Variants in DSCAM observed in about 807,000 individuals in gnomAD.
DSCAM encodes DS cell adhesion molecule.
DSCAM carries 47 observed loss-of-function variants against 217.7 expected under a neutral mutation model. The ratio of observed to expected loss-of-function variants is 0.22; its 90% CI spans 0.17 to 0.28. The LOEUF is 0.28. Ranked by LOEUF, DSCAM falls within the 10% of genes least tolerant of loss-of-function variation. DSCAM has a pLI of 1.00. For missense variants in DSCAM, 2,080 were observed against 2,618.3 expected (o/e 0.79, Z 4.49); for synonymous variants, 1,056 against 1,015.3 (o/e 1.04, Z -0.76).
intron 1 of DSCAM, among the ~76,000 whole-genome samples, chr21:40,820,982 CAT>C (rs1048966825): frequency 2.7e-5 from 4 of 150,578 alleles, no homozygotes; most frequent in Middle Eastern, 3.4e-3. Context: ...GATATCCAGA[CAT>C]ATATATATAT....
intron 1 of DSCAM, among the ~76,000 whole-genome samples, chr21:40,744,898 G>A (rs2091159193): frequency 1.3e-5 from 2 of 152,190 alleles, no homozygotes; most frequent in African/African-American, 4.8e-5. Context: ...ACAAGAAAAT[G>A]TGGATGGAAA....
chr21:40,385,594 T>G (rs1363058077), intron 3 of DSCAM, among the ~76,000 whole-genome samples: 1 of 152,220 alleles, frequency 6.6e-6, no homozygotes, highest in Non-Finnish European at 1.5e-5. Flanking sequence ...TTTGTGTTTT[T>G]GGTTTTGTGG....
At chr21:40,344,355 G>A (rs1452581477) in intron 6 of DSCAM, among the ~76,000 whole-genome samples, 2 of 152,016 alleles carry the variant, frequency 1.3e-5, no homozygotes, top group South Asian at 2.1e-4. Flanking sequence ...TCTGTTCCAT[G>A]TTATCTATAT....
At chr21:40,551,975 G>A (rs562233456) in intron 3 of DSCAM, among the ~76,000 whole-genome samples, 65 of 152,128 alleles carry the variant, frequency 4.3e-4, no homozygotes, top group Non-Finnish European at 8.2e-4. Context: ...TTGGTTTACA[G>A]TAAGGAGGCA....
chr21:40,716,629 C>T (rs1300099778), intron 1 of DSCAM, among the ~76,000 whole-genome samples: 1 of 152,086 alleles, frequency 6.6e-6, no homozygotes, highest in African/African-American at 2.4e-5. Flanking sequence ...GAGTGTTACA[C>T]CAAAAAGAAA....
chr21:40,322,514 G>T (rs1047080960), intron 8 of DSCAM, among the ~76,000 whole-genome samples: 1 of 124,364 alleles, frequency 8.0e-6, no homozygotes, highest in Non-Finnish European at 1.8e-5. Context: ...TATAGAAAGC[G>T]GGAGCAATTT....
At chr21:40,582,560 T>C (rs936562868) in intron 3 of DSCAM, among the ~76,000 whole-genome samples, 2 of 152,126 alleles carry the variant, frequency 1.3e-5, no homozygotes, top group African/African-American at 4.8e-5. Flanking sequence ...GGTTTTAAAG[T>C]TCAACATTAA....
intron 16 of DSCAM, among the ~76,000 whole-genome samples, chr21:40,145,281 T>C (rs889913012): frequency 2.6e-5 from 4 of 152,084 alleles, no homozygotes; most frequent in South Asian, 2.1e-4. Context: ...AAGACCCCCG[T>C]CCTCATGGAG....
At chr21:40,054,409 G>A (rs902776463) in intron 29 of DSCAM, among the ~76,000 whole-genome samples, 4 of 152,208 alleles carry the variant, frequency 2.6e-5, no homozygotes, top group African/African-American at 9.6e-5. Context: ...TAGAATTTAG[G>A]AGCCATTAGG....
At chr21:40,568,292 G>A (rs1350933747) in intron 3 of DSCAM, among the ~76,000 whole-genome samples, 1 of 152,156 alleles carries the variant, frequency 6.6e-6, no homozygotes, top group African/African-American at 2.4e-5. Flanking sequence ...AGCACAGTGT[G>A]TTAGTATGGT....
intron 8 of DSCAM, among the ~76,000 whole-genome samples, chr21:40,337,051 T>C (rs1057370334): frequency 6.6e-6 from 1 of 152,196 alleles, no homozygotes; most frequent in Non-Finnish European, 1.5e-5. Flanking sequence ...CTATAATATA[T>C]AATGTAATGC....
chr21:40,746,914 G>A (rs1344812930), intron 1 of DSCAM, among the ~76,000 whole-genome samples: 1 of 151,812 alleles, frequency 6.6e-6, no homozygotes, highest in Non-Finnish European at 1.5e-5. Context: ...CAGAAGAAAT[G>A]TTCAAAACTG....
intron 3 of DSCAM, among the ~76,000 whole-genome samples, chr21:40,587,841 C>T (rs2076957552): frequency 6.6e-6 from 1 of 152,110 alleles, no homozygotes; most frequent in African/African-American, 2.4e-5. Flanking sequence ...GAAATTTCAG[C>T]TGTCTCAGTG....
chr21:40,152,533 G>A (rs2090434349), intron 16 of DSCAM, among the ~76,000 whole-genome samples: 1 of 151,958 alleles, frequency 6.6e-6, no homozygotes, highest in Admixed American at 6.6e-5. Context: ...TTCTCCTGTA[G>A]TCCTCCTCAA....
intron 3 of DSCAM, among the ~76,000 whole-genome samples, chr21:40,420,464 C>T (rs906664925): frequency 2.6e-5 from 4 of 152,056 alleles, no homozygotes; most frequent in Non-Finnish European, 4.4e-5. Flanking sequence ...CTGAGGAAAA[C>T]TGAGGGAATC....
At chr21:40,734,036 A>G (rs1601188407) in intron 1 of DSCAM, among the ~76,000 whole-genome samples, 1 of 152,180 alleles carries the variant, frequency 6.6e-6, no homozygotes, top group African/African-American at 2.4e-5. Flanking sequence ...TGAATCTTAA[A>G]CAGATGATGG....
At chr21:40,796,690 G>C (rs2091694895) in intron 1 of DSCAM, among the ~76,000 whole-genome samples, 1 of 152,156 alleles carries the variant, frequency 6.6e-6, no homozygotes, top group African/African-American at 2.4e-5. Flanking sequence ...CAGCTGGTTA[G>C]AAATGCAGAA....
Position 40,550,413 on chromosome 21 carries a change from T to C in DSCAM, c.508+142397A>G, listed in dbSNP as rs376433571. ...GGTGGCACGCGCCTGTAATCCCAGC[T>C]ACCCAGGAGGCTGAGGCAGGAGAAT... On this transcript the variant is annotated intron_variant, in intron 3 of 32. Coordinates refer to ENST00000400454, the MANE Select transcript of DSCAM (RefSeq NM_001389.5). Among the ~76,000 whole-genome samples the C allele has an allele frequency of 1.6e-4, 24 of 152,150 alleles. 1 individual carries two copies. In the East Asian group the frequency reaches 4.6e-3, roughly 29 times the overall value.
intron 3 of DSCAM, among the ~76,000 whole-genome samples, chr21:40,473,960 T>C (rs1187974055): frequency 6.6e-6 from 1 of 152,274 alleles, no homozygotes; most frequent in African/African-American, 2.4e-5. Flanking sequence ...TGGCATGTTT[T>C]TGTGGCAGCC....
Sources: allele counts gnomAD v4.1 joint callset (sites outside exome capture counted in the v4.1 genomes callset), GRCh38; gene constraint gnomAD v4.1.1; transcripts MANE v1.5; gene names NCBI Gene and HGNC (gene_info 2026-07-23, HGNC 2026-07-21).